The following LRP3 variants were observed in gnomAD, a reference collection of about 807,000 sequenced individuals.
LRP3 encodes the protein low-density lipoprotein receptor-related protein 3.
A neutral mutation model predicts 58.5 loss-of-function variants in LRP3; 49 were observed. That is an observed-to-expected ratio of 0.84 (90% CI 0.67 to 1.06). The LOEUF (loss-of-function observed/expected upper bound fraction) is 1.06. LRP3 is among the 50% of genes least tolerant of loss of function. The pLI, the probability that LRP3 is intolerant of heterozygous loss-of-function variation, is 0.00. For synonymous variants in LRP3, 485 were observed against 492.2 expected (o/e 0.99, Z 0.20); for missense variants, 1,019 against 1,134.2 (o/e 0.90, Z 1.46).
Position 33,207,141 on chromosome 19 carries a change from G to A in LRP3, c.1879G>A (p.Ala627Thr), listed in dbSNP as rs368016315. The stretch of plus-strand genomic sequence containing the variant: ...CCGAGGCCAGATCCCACTGCTGACC[G>A]CAGCACGCCCCTCACAGACCGTGCT... The part of the protein sequence containing the change: ...APRGQIPLLT[A>T]ARPSQTVLGD... Residue 627 changes from alanine to threonine, a missense_variant, in exon 7 of 7, where the codon GCA (alanine) becomes ACA (threonine). By Grantham distance (58) the Ala-to-Thr change is moderately conservative. Coordinates refer to ENST00000253193, the MANE Select transcript of LRP3 (RefSeq NM_002333.4). 2.6e-5 allele frequency: 40 copies of A among 1,532,440 alleles called. No individual in the cohort carries two copies. Among genetic ancestry groups the A allele is most frequent in the East Asian group, 2.4e-4 (10 of 40,972 alleles). The allele number at this position is 1,532,440 out of a possible 1,614,324, so 94.9% of individuals were successfully genotyped here.
At chr19:33,202,348 C>T (rs1306615455) in intron 2 of LRP3, among the ~76,000 whole-genome samples, 3 of 152,228 alleles carry the variant, frequency 2.0e-5, no homozygotes, top group Admixed American at 1.3e-4. Context: ...CTTATTCCCA[C>T]CTTACTCAGT....
In LRP3 at chr19:33,194,865, G is replaced by T; in HGVS notation, c.73+7G>T. ...CTGGCCGTCGTCTGTCTGGGTGAGT[G>T]GGCCGCGCGGGCCGGGCAGGTCCGG... On this transcript the variant is annotated splice_region_variant and intron_variant, in intron 1 of 6. Coordinates refer to ENST00000253193, the MANE Select transcript of LRP3 (RefSeq NM_002333.4). 1 of 1,109,418 alleles carries T rather than the reference G, an allele frequency of 9.0e-7. No homozygotes were observed. Among genetic ancestry groups the T allele is most frequent in the South Asian group, 4.3e-5 (1 of 23,254 alleles). 68.7% of individuals were successfully genotyped at this position (1,109,418 alleles called of 1,614,324 possible). A position where few individuals can be genotyped will look rare whatever the true frequency, so the allele number is the denominator to read the frequency against.
At chr19:33,203,222 G>T (rs921236389) in intron 3 of LRP3, among the ~76,000 whole-genome samples, 1 of 152,130 alleles carries the variant, frequency 6.6e-6, no homozygotes, top group African/African-American at 2.4e-5. Flanking sequence ...GTAGGTGTGT[G>T]TGCATGCAGA....
chr19:33,206,860 G>GT (rs2145459337), intron 6 of LRP3, 127 bp downstream of exon 6: 1 of 1,236,024 alleles, frequency 8.1e-7, no homozygotes, highest in Non-Finnish European at 1.1e-6. Flanking sequence ...CCATGGCCAG[G>GT]TGGGGGGGGT....
In LRP3 at chr19:33,196,155, C is replaced by G. The variant is rs199505385; in HGVS notation, c.74-575C>G. On this transcript the variant is annotated intron_variant, in intron 1 of 6. Transcript: ENST00000253193. ...ACGGGGGAAGAGGATGGTTCCGTCACTAGCTGCGTGCCCTGTAAATGGGGA... is the reference window on the plus strand; with the variant it reads ...ACGGGGGAAGAGGATGGTTCCGTCAGTAGCTGCGTGCCCTGTAAATGGGGA... Among the ~76,000 whole-genome samples the G allele has an allele frequency of 6.6e-5, 10 of 152,302 alleles. No homozygotes were observed. In the East Asian group the frequency reaches 1.9e-3, roughly 29 times the overall value.
At position 33,205,889 on chromosome 19, in the gene LRP3, G is replaced by A. The variant is rs770011259; in HGVS notation, c.1119G>A (p.Gln373=). The part of the protein sequence containing the change: ...QVKGYCLPWE[Q]PCGSSSDSDG... ...AGGGCTATTGCCTCCCCTGGGAGCAGCCGTGCGGGAGCAGTAGTGACAGTG... is the reference window on the plus strand; with the variant it reads ...AGGGCTATTGCCTCCCCTGGGAGCAACCGTGCGGGAGCAGTAGTGACAGTG... Residue 373 remains glutamine (Q), a synonymous_variant, in exon 5 of 7, where the codon CAG becomes CAA. Coordinates refer to ENST00000253193, the MANE Select transcript of LRP3 (RefSeq NM_002333.4). The A allele has an allele frequency of 6.2e-7, 1 of 1,607,192 alleles. No individual in the cohort carries two copies. Among genetic ancestry groups the A allele is most frequent in the South Asian group, 1.1e-5 (1 of 90,534 alleles).
In LRP3 at chr19:33,194,763, G is replaced by T. The variant is rs1599930792; in HGVS notation, c.-23G>T. On this transcript the variant is annotated 5_prime_UTR_variant, in exon 1 of 7. Coordinates refer to ENST00000253193, the MANE Select transcript of LRP3 (RefSeq NM_002333.4). The stretch of plus-strand genomic sequence containing the variant: ...CCGGAGCCGCGGGGCAGGAGGCGGC[G>T]CCCGCGGGCGGCCGGGCCCGGCATG... The T allele has an allele frequency of 1.1e-6, 1 of 925,350 alleles. No individual in the cohort carries two copies. The highest frequency in any genetic ancestry group is 1.3e-6 in the Non-Finnish European group (1 of 778,030). The allele number at this position is 925,350 out of a possible 1,614,324, so 57.3% of individuals were successfully genotyped here. A position where few individuals can be genotyped will look rare whatever the true frequency, so the allele number is the denominator to read the frequency against.
In LRP3 at chr19:33,207,427, C is replaced by G. The variant is rs1444211540; in HGVS notation, c.2165C>G (p.Ser722Ter). 1.9e-6 allele frequency: 3 copies of G among 1,594,296 alleles called. No individual in the cohort carries two copies. Residue 722 changes from serine (S) to a stop codon, truncating the protein, a stop_gained, in exon 7 of 7, where the codon TCA (serine) becomes TGA (stop). Coordinates refer to ENST00000253193, the MANE Select transcript of LRP3 (RefSeq NM_002333.4). LOFTEE classifies it high-confidence loss of function. ...APADAPREPC[S>*]AQDPHPQVST... ...GCAGATGCACCTCGGGAGCCCTGCT[C>G]AGCCCAGGACCCGCACCCCCAGGTC...
At position 33,207,340 on chromosome 19, in the gene LRP3, GCAGGCCCGTGGA is replaced by G; in HGVS notation, c.2081_2092del (p.Arg694_Asp697del). On this transcript the variant is annotated inframe_deletion, in exon 7 of 7. Coordinates refer to ENST00000253193, the MANE Select transcript of LRP3 (RefSeq NM_002333.4). ...CCCTCGGGCCTGCGAGACCCAGAGT[GCAGGCCCGTGGA>G]CAAGGACAGAAAGGTCTGCAGGGAG... The G allele has an allele frequency of 6.3e-7, 1 of 1,584,808 alleles. No homozygotes were observed. Among genetic ancestry groups the G allele is most frequent in the Non-Finnish European group, 8.5e-7 (1 of 1,172,324 alleles).
In LRP3 at chr19:33,207,371, C is replaced by G. The variant is rs1974433936; in HGVS notation, c.2109C>G (p.Cys703Trp). 6.3e-7 allele frequency: 1 copy of G among 1,586,544 alleles called. No homozygotes were observed. The highest frequency in any genetic ancestry group is 8.5e-7 in the Non-Finnish European group (1 of 1,172,426). ...CRPVDKDRKV[C>W]REPLVDGPAP... ...CCGTGGACAAGGACAGAAAGGTCTGCAGGGAGCCACTGGTAGACGGCCCAG... is the reference window on the plus strand; with the variant it reads ...CCGTGGACAAGGACAGAAAGGTCTGGAGGGAGCCACTGGTAGACGGCCCAG... The change falls in exon 7 of 7, where the codon TGC becomes TGG. Residue 703 changes from cysteine to tryptophan, a missense_variant. Physicochemically the swap from Cys to Trp is radical, Grantham distance 215. Around this residue, in one of 2 missense-constraint regions of LRP3, gnomAD observed 427 missense variants for 408.6 expected, o/e 1.04. Coordinates refer to ENST00000253193, the MANE Select transcript of LRP3 (RefSeq NM_002333.4).
chr19:33,196,232 C>T (rs1274982955), intron 1 of LRP3, among the ~76,000 whole-genome samples: 1 of 152,024 alleles, frequency 6.6e-6, no homozygotes, highest in Non-Finnish European at 1.5e-5. Context: ...CGAGCAAAGC[C>T]CCTTGGTAGG....
intron 3 of LRP3, 75 bp from the exon 4 acceptor site, chr19:33,204,563 C>A: frequency 8.9e-7 from 1 of 1,117,364 alleles, no homozygotes; most frequent in Non-Finnish European, 1.3e-6. Context: ...TCCAGCCTGA[C>A]CACTCCCTGC....
chr19:33,196,132 G>A (rs1025215246), intron 1 of LRP3, among the ~76,000 whole-genome samples: 8 of 152,190 alleles, frequency 5.3e-5, no homozygotes, highest in Non-Finnish European at 8.8e-5. Flanking sequence ...AGCTTGGCAC[G>A]GGGGAAGAGG....
chr19:33,207,069 C>T lies in LRP3; in HGVS notation c.1807C>T (p.Arg603Cys), dbSNP rs779214700. Reference protein sequence around the residue: ...HASRRGPSRRRLGRLWNRLFH... With the variant: ...HASRRGPSRRCLGRLWNRLFH... ...CTCCCGCCGGGGGCCCTCCCGCCGC[C>T]GCCTCGGCCGCCTCTGGAACCGGCT... is the stretch of plus-strand genomic sequence containing the variant. Residue 603 changes from arginine to cysteine, a missense_variant, in exon 7 of 7, where the codon CGC (arginine) becomes TGC (cysteine). Arg to Cys is a radical substitution (Grantham distance 180). Transcript: ENST00000253193. 28 of 1,493,594 alleles carry T rather than the reference C, an allele frequency of 1.9e-5. No homozygotes were observed. Among genetic ancestry groups the T allele is most frequent in the East Asian group, 5.0e-5 (2 of 39,706 alleles). 92.5% of individuals were successfully genotyped at this position (1,493,594 alleles called of 1,614,324 possible). A position where few individuals can be genotyped will look rare whatever the true frequency, so the allele number is the denominator to read the frequency against.
Position 33,206,341 on chromosome 19 carries a change from C to CA in LRP3, c.1572dup (p.Leu525ThrfsTer19). The CA allele has an allele frequency of 6.2e-7, 1 of 1,603,786 alleles. No homozygotes were observed. Among genetic ancestry groups the CA allele is most frequent in the Non-Finnish European group, 8.5e-7 (1 of 1,177,172 alleles). The stretch of plus-strand genomic sequence containing the variant: ...CTGGGCTGCGCCTTCAAGCTCTACT[C>CA]ACTGCGCACGCAGGAATACAGGTGG... On this transcript the variant is annotated frameshift_variant, in exon 5 of 7. Transcript: ENST00000253193. LOFTEE classifies it high-confidence loss of function.
chr19:33,198,160 T>G (rs1348779464), intron 2 of LRP3, among the ~76,000 whole-genome samples: 1 of 152,174 alleles, frequency 6.6e-6, no homozygotes. Flanking sequence ...CTCCTGCTGG[T>G]GGGTGTGTCA....
Position 33,205,691 on chromosome 19 carries a change from C to G in LRP3, c.921C>G (p.Tyr307Ter). ...AACTGCGGCTGGGCTATGACGACTACGTGCAGGTATACGAGGGCCTGGGCG... is the reference window on the plus strand; with the variant it reads ...AACTGCGGCTGGGCTATGACGACTAGGTGCAGGTATACGAGGGCCTGGGCG... ...QLELRLGYDD[Y>*]VQVYEGLGER... The change falls in exon 5 of 7, where the codon TAC becomes TAG. Residue 307 changes from tyrosine to a stop codon, truncating the protein, a stop_gained. Transcript: ENST00000253193. LOFTEE classifies it high-confidence loss of function. 6.2e-7 allele frequency: 1 copy of G among 1,606,964 alleles called. No individual in the cohort carries two copies. Among genetic ancestry groups the G allele is most frequent in the Non-Finnish European group, 8.5e-7 (1 of 1,179,268 alleles).
rs201419135 is a variant in LRP3, at chr19:33,207,022, G to A, written c.1760G>A (p.Arg587Gln). The A allele has an allele frequency of 1.4e-4, 210 of 1,493,306 alleles. No homozygotes were observed. Among genetic ancestry groups the A allele is most frequent in the Admixed American group, 6.0e-4 (25 of 41,490 alleles). 92.5% of individuals were successfully genotyped at this position (1,493,306 alleles called of 1,614,324 possible). ...CTGCAGAATCTTCGCACAGCCATGC[G>A]GAGACAGATGCGTCGGCACGCCTCC... ...SVLQNLRTAM[R>Q]RQMRRHASRR... is the part of the protein sequence containing the mutation. Residue 587 changes from arginine to glutamine, a missense_variant, in exon 7 of 7, where the codon CGG (arginine) becomes CAG (glutamine). Physicochemically the swap from Arg to Gln is conservative, Grantham distance 43. This residue lies in a region of LRP3 where 427 missense variants were observed against 408.6 expected (regional missense o/e 1.04). Coordinates refer to ENST00000253193, the MANE Select transcript of LRP3 (RefSeq NM_002333.4).
At chr19:33,196,047 G>T (rs141333586) in intron 1 of LRP3, among the ~76,000 whole-genome samples, 1,603 of 152,266 alleles carry the variant, frequency 0.011, 31 homozygotes, top group African/African-American at 0.036. Context: ...AGCAGAAGGT[G>T]AAAGTAAGGG....
Sources: allele counts gnomAD v4.1 joint callset (sites outside exome capture counted in the v4.1 genomes callset), GRCh38; gene constraint gnomAD v4.1.1; regional missense constraint gnomAD v4.1.1; transcripts MANE v1.5; gene names NCBI Gene and HGNC (gene_info 2026-07-23, HGNC 2026-07-21).